Variants in RELN observed in about 807,000 individuals in gnomAD.
RELN encodes the protein reelin.
A neutral mutation model predicts 427.6 loss-of-function variants in RELN; 108 were observed. That is an observed-to-expected ratio of 0.25 (90% CI 0.22 to 0.30). RELN has a LOEUF of 0.30. Ranked by LOEUF, RELN falls within the 10% of genes least tolerant of loss-of-function variation. RELN has a pLI of 1.00. For missense variants in RELN, 3,715 were observed against 4,302.8 expected (o/e 0.86, Z 3.82); for synonymous variants, 1,524 against 1,513.4 (o/e 1.01, Z -0.16).
intron 3 of RELN, among the ~76,000 whole-genome samples, chr7:103,789,136 T>G (rs568865242): frequency 6.6e-6 from 1 of 152,312 alleles, no homozygotes; most frequent in African/African-American, 2.4e-5. Context: ...TGGCTAGCCA[T>G]ATGCAGAAAA....
intron 18 of RELN, 42 bp from the exon 19 acceptor site, chr7:103,635,628 T>A (rs547935894): frequency 1.4e-5 from 21 of 1,529,186 alleles, no homozygotes; most frequent in Non-Finnish European, 1.8e-5. Flanking sequence ...CATAAACATT[T>A]TTAATCATAA....
Position 103,589,701 on chromosome 7 carries a change from C to T in RELN, c.4040G>A (p.Cys1347Tyr). 1.2e-6 allele frequency: 2 copies of T among 1,614,072 alleles called. No individual in the cohort carries two copies. Among genetic ancestry groups the T allele is most frequent in the East Asian group, 2.2e-5 (1 of 44,880 alleles). The change falls in exon 28 of 65, where the codon TGC becomes TAC. Residue 1347 changes from cysteine (C) to tyrosine (Y), a missense_variant. This residue lies in a region of RELN where 2,208 missense variants were observed against 2,361.7 expected (regional missense o/e 0.93). Transcript: ENST00000428762. ...ACTTAGTTCTCTGGAGTTTCCTTCG[C>T]ATCCTTTGCCTGCAGAAGCCGGGTA... The part of the protein sequence containing the change: ...GCYPASAGKG[C>Y]EGNSRELSEP...
intron 31 of RELN, among the ~76,000 whole-genome samples, chr7:103,571,548 T>G (rs1012217543): frequency 6.6e-6 from 1 of 152,166 alleles, no homozygotes; most frequent in Admixed American, 6.5e-5. Flanking sequence ...ATCCACTTAT[T>G]TAGTGCATGA....
At chr7:103,700,848 T>C (rs1009553468) in intron 9 of RELN, 62 bp downstream of exon 9, 5 of 987,540 alleles carry the variant, frequency 5.1e-6, no homozygotes, top group African/African-American at 3.2e-5. Flanking sequence ...ATTGAAGGCA[T>C]ATAGGAGAGT....
At chr7:103,849,928 A>G (rs1793779667) in intron 2 of RELN, among the ~76,000 whole-genome samples, 1 of 152,222 alleles carries the variant, frequency 6.6e-6, no homozygotes, top group African/African-American at 2.4e-5. Context: ...ATCACTTAAT[A>G]AAACATATGA....
rs1562865596 is a variant in RELN at position 103,515,383 on chromosome 7, A to G, written c.7921T>C (p.Trp2641Arg). 1 of 1,614,150 alleles carries G rather than the reference A, an allele frequency of 6.2e-7. No homozygotes were observed. The highest frequency in any genetic ancestry group is 1.6e-4 in the Middle Eastern group (1 of 6,062). The change falls in exon 50 of 65, where the codon TGG (tryptophan) becomes CGG (arginine). Residue 2641 changes from tryptophan (W) to arginine (R), a missense_variant. By Grantham distance (101) the Trp-to-Arg change is moderately radical. Around this residue, in one of 4 missense-constraint regions of RELN, gnomAD observed 1,310 missense variants for 1,643.0 expected, o/e 0.80. Coordinates refer to ENST00000428762, the MANE Select transcript of RELN (RefSeq NM_005045.4). Reference sequence around the variant, plus strand: ...TCCAGGCCGTCATGTCTTGGCTGCCACCAGCGGAAGCGAGTGGCAATCTCT... The same window carrying G: ...TCCAGGCCGTCATGTCTTGGCTGCCGCCAGCGGAAGCGAGTGGCAATCTCT... ...AKEIATRFRW[W>R]QPRHDGLDQN...
At chr7:103,752,761 C>T (rs1007216430) in intron 5 of RELN, among the ~76,000 whole-genome samples, 1 of 152,160 alleles carries the variant, frequency 6.6e-6, no homozygotes, top group Non-Finnish European at 1.5e-5. Context: ...TTTTTCTTAA[C>T]AATTCAGTAC....
chr7:103,798,412 C>T lies in RELN; in HGVS notation c.474-21785G>A, dbSNP rs780940267. 4.6e-5 allele frequency among the ~76,000 whole-genome samples: 7 copies of T among 152,218 alleles called. No individual in the cohort carries two copies. The South Asian group carries it at 6.2e-4, about 14-fold the overall frequency. On this transcript the variant is annotated intron_variant, in intron 3 of 64. Coordinates refer to ENST00000428762, the MANE Select transcript of RELN (RefSeq NM_005045.4). ...GGCAATAATGAGGCCTACCTGTTATCGTTGGGAAGACTCAATGAGCTAATG... is the reference window on the plus strand; with the variant it reads ...GGCAATAATGAGGCCTACCTGTTATTGTTGGGAAGACTCAATGAGCTAATG...
intron 10 of RELN, among the ~76,000 whole-genome samples, chr7:103,694,181 G>C (rs1357782821): frequency 6.6e-6 from 1 of 152,126 alleles, no homozygotes; most frequent in Non-Finnish European, 1.5e-5. Flanking sequence ...CAGCCAGAGA[G>C]TGATGGGGGA....
chr7:103,640,473 G>A lies in RELN; in HGVS notation c.2069+70C>T. 1 of 1,484,918 alleles carries A rather than the reference G, an allele frequency of 6.7e-7. No homozygotes were observed. The highest frequency in any genetic ancestry group is 1.7e-5 in the Admixed American group (1 of 59,706). The allele number at this position is 1,484,918 out of a possible 1,614,324, so 92.0% of individuals were successfully genotyped here. A position where few individuals can be genotyped will look rare whatever the true frequency, so the allele number is the denominator to read the frequency against. On this transcript the variant is annotated intron_variant, in intron 17 of 64. Coordinates refer to ENST00000428762, the MANE Select transcript of RELN (RefSeq NM_005045.4). The surrounding 1 kb of genome is among the most constrained non-coding windows in gnomAD (Gnocchi z 4.1). ...CCGATCCTAAAAAAGGTTATTAAATGACTTGCGACTTCAACACATACATTA... is the reference window on the plus strand; with the variant it reads ...CCGATCCTAAAAAAGGTTATTAAATAACTTGCGACTTCAACACATACATTA...
At chr7:103,951,568 G>C (rs1796331363) in intron 1 of RELN, among the ~76,000 whole-genome samples, 1 of 152,112 alleles carries the variant, frequency 6.6e-6, no homozygotes, top group South Asian at 2.1e-4. Flanking sequence ...CCTCAGTGCA[G>C]CTGAGTTAGC....
intron 49 of RELN, among the ~76,000 whole-genome samples, chr7:103,515,676 C>G (rs1046790015): frequency 2.6e-5 from 4 of 152,164 alleles, no homozygotes; most frequent in African/African-American, 9.7e-5. Context: ...CCAGAACTCC[C>G]AATTGGTTCT....
intron 5 of RELN, among the ~76,000 whole-genome samples, chr7:103,751,909 C>T (rs767203443): frequency 6.6e-6 from 1 of 152,200 alleles, no homozygotes; most frequent in Non-Finnish European, 1.5e-5. Context: ...CTGCAACCAG[C>T]TAGGATGATT....
chr7:103,833,534 T>TA lies in RELN; in HGVS notation c.473+2dup. On this transcript the variant is annotated splice_region_variant and intron_variant, in intron 3 of 64. Transcript: ENST00000428762. ...ACGTATGGCAGACACTTTGGGTACT[T>TA]ACATGAAATTCACACAGCCTGTGCC... is the stretch of plus-strand genomic sequence containing the variant. 1.2e-6 allele frequency: 2 copies of TA among 1,613,944 alleles called. No homozygotes were observed. Among genetic ancestry groups the TA allele is most frequent in the Non-Finnish European group, 1.7e-6 (2 of 1,179,840 alleles).
At chr7:103,897,213 A>C (rs542864685) in intron 2 of RELN, among the ~76,000 whole-genome samples, 1 of 152,164 alleles carries the variant, frequency 6.6e-6, no homozygotes, top group Non-Finnish European at 1.5e-5. Flanking sequence ...GAGCCAAACC[A>C]TATCAATTAC....
intron 3 of RELN, among the ~76,000 whole-genome samples, chr7:103,788,523 C>T (rs568363597): frequency 3.9e-5 from 6 of 152,302 alleles, no homozygotes; most frequent in African/African-American, 1.4e-4. Flanking sequence ...GCAGAAATCA[C>T]AAGCATTCCT....
chr7:103,650,660 C>T (rs764987834), intron 15 of RELN, among the ~76,000 whole-genome samples: 1 of 152,094 alleles, frequency 6.6e-6, no homozygotes, highest in Non-Finnish European at 1.5e-5. Context: ...GGGTCTTGCT[C>T]TGTTGTCCAG....
At chr7:103,745,962 A>C (rs189791795) in intron 6 of RELN, among the ~76,000 whole-genome samples, 1 of 152,332 alleles carries the variant, frequency 6.6e-6, no homozygotes, top group African/African-American at 2.4e-5. Flanking sequence ...TTGCCAAGTC[A>C]ATCCTAAGCC....
chr7:103,834,723 A>T (rs1563040750), intron 2 of RELN, among the ~76,000 whole-genome samples: 1 of 152,156 alleles, frequency 6.6e-6, no homozygotes, highest in Non-Finnish European at 1.5e-5. Context: ...GTCATTAGGG[A>T]ACTGCACATT....
Sources: gnomAD v4.1 joint callset for allele counts (sites outside exome capture counted in the v4.1 genomes callset) on GRCh38, gnomAD v4.1.1 for gene constraint, gnomAD v4.1.1 regional missense constraint, Gnocchi (gnomAD v3.1) non-coding constraint, MANE v1.5 for transcripts, NCBI Gene and HGNC (gene_info 2026-07-23, HGNC 2026-07-21) for gene names.